The following STON1 variants were observed in gnomAD, a reference collection of about 807,000 sequenced individuals.
STON1 encodes stonin-1.
Under a neutral mutation model 60.9 loss-of-function variants are expected in STON1, and 79 were observed. That is an observed-to-expected ratio of 1.30 (90% confidence interval 1.08 to 1.56). The LOEUF is 1.56. Among genes scored for constraint, STON1 ranks in the 40% most tolerant of loss-of-function variants. The probability of loss-of-function intolerance (pLI) is 0.00; values close to 1 mark genes in which losing one functional copy is unlikely to be tolerated. For missense variants in STON1, 1,166 were observed against 858.9 expected, an observed-to-expected ratio of 1.36 and a Z score of -4.47; for synonymous variants, 363 against 306.9, an observed-to-expected ratio of 1.18 and a Z score of -1.91.
At chr2:48,537,221 C>T (rs1671465337) in intron 1 of STON1, among the ~76,000 whole-genome samples, 1 of 152,166 alleles carries the variant, frequency 6.6e-6, no homozygotes, top group Admixed American at 6.5e-5. Flanking sequence ...CTTAAAGTTT[C>T]TCCATTAAGC....
chr2:48,572,439 A>T (rs929247783), intron 1 of STON1, among the ~76,000 whole-genome samples: 1 of 152,284 alleles, frequency 6.6e-6, no homozygotes, highest in Non-Finnish European at 1.5e-5. Flanking sequence ...GTAGGAGTGC[A>T]CTTTGCATAG....
At chr2:48,536,302 C>T (rs968878144) in intron 1 of STON1, among the ~76,000 whole-genome samples, 3 of 152,058 alleles carry the variant, frequency 2.0e-5, no homozygotes, top group Non-Finnish European at 4.4e-5. Flanking sequence ...AATCCCAGCA[C>T]TTTGGGAGGC....
intron 1 of STON1, among the ~76,000 whole-genome samples, chr2:48,544,334 A>G (rs969858763): frequency 1.1e-4 from 17 of 152,308 alleles, no homozygotes; most frequent in Admixed American, 9.8e-4. Context: ...TAGCTTTTCC[A>G]TTGCAGAGCT....
intron 3 of STON1, among the ~76,000 whole-genome samples, chr2:48,594,292 T>A (rs995030937): frequency 3.3e-5 from 5 of 152,228 alleles, no homozygotes; most frequent in Non-Finnish European, 7.3e-5. Flanking sequence ...AGACTGTGTT[T>A]ATACTTATTT....
chr2:48,533,164 A>G (rs1391887559), intron 1 of STON1, among the ~76,000 whole-genome samples: 1 of 152,056 alleles, frequency 6.6e-6, no homozygotes, highest in Non-Finnish European at 1.5e-5. Flanking sequence ...CAGGCAGATC[A>G]TGAAGTCAGG....
chr2:48,531,682 T>C (rs1185568359), intron 1 of STON1: 3 of 152,154 alleles, frequency 2.0e-5, no homozygotes, highest in Admixed American at 6.6e-5. Context: ...TTCTTCCACA[T>C]GATCTGGGAA....
In STON1 at chr2:48,580,612, A is replaced by G. The variant is rs571971609; in HGVS notation, c.-22A>G. 2.3e-4 allele frequency: 305 copies of G among 1,325,682 alleles called. 1 individual carries two copies. In the South Asian group the frequency reaches 7.2e-3, roughly 31 times the overall value. 82.1% of individuals were successfully genotyped at this position (1,325,682 alleles called of 1,614,324 possible). ...AGTCAACCTATTTGATTTCTTGACA[A>G]GACCACAATCTGATCCCAAAGATGT... On this transcript the variant is annotated 5_prime_UTR_variant, in exon 2 of 4. Coordinates refer to ENST00000404752, the MANE Select transcript of STON1 (RefSeq NM_006873.4).
In STON1 at chr2:48,555,397, C is replaced by T. The variant is rs1355389552; in HGVS notation, c.-48+25181C>T. On this transcript the variant is annotated intron_variant, in intron 1 of 3. Transcript: ENST00000404752. ...CTCCTCACTTCCCAGTAGGGGCGGC[C>T]GGGCAGAGGCGCCCCTCACCTACCG... is the stretch of plus-strand genomic sequence containing the variant. 7.2e-5 allele frequency among the ~76,000 whole-genome samples: 4 copies of T among 55,276 alleles called. 1 individual carries two copies. The highest frequency in any genetic ancestry group is 1.5e-3 in the East Asian group (2 of 1,354). 36.3% of individuals were successfully genotyped at this position (55,276 alleles called of 152,430 possible).
intron 2 of STON1, among the ~76,000 whole-genome samples, chr2:48,584,493 C>G (rs953070191): frequency 2.0e-5 from 3 of 152,082 alleles, no homozygotes; most frequent in Non-Finnish European, 4.4e-5. Flanking sequence ...GTCTTGAACT[C>G]CTGACCTCAA....
intron 3 of STON1, among the ~76,000 whole-genome samples, chr2:48,594,363 C>A (rs1173881432): frequency 6.6e-6 from 1 of 152,150 alleles, no homozygotes; most frequent in Non-Finnish European, 1.5e-5. Context: ...AATTACTTTA[C>A]AAAGTATCTC....
chr2:48,533,487 G>C (rs1671297386), intron 1 of STON1, among the ~76,000 whole-genome samples: 1 of 150,938 alleles, frequency 6.6e-6, no homozygotes, highest in Admixed American at 6.6e-5. Context: ...TCAGAAGTTC[G>C]ATACCAGCCT....
At chr2:48,550,653 C>G (rs1672065150) in intron 1 of STON1, among the ~76,000 whole-genome samples, 2 of 150,996 alleles carry the variant, frequency 1.3e-5, no homozygotes, top group African/African-American at 2.4e-5. Context: ...ATATTATTCT[C>G]TATTTTATGA....
chr2:48,595,347 A>G lies in STON1; in HGVS notation c.*45A>G, dbSNP rs1674738978. The G allele has an allele frequency of 6.5e-7, 1 of 1,541,012 alleles. No homozygotes were observed. The highest frequency in any genetic ancestry group is 9.0e-7 in the Non-Finnish European group (1 of 1,115,748). Reference sequence around the variant, plus strand: ...TGACAGCCCACTTGTCAAATATGTAATTCACCGAAACCACACCAAGTCCTG... The same window carrying G: ...TGACAGCCCACTTGTCAAATATGTAGTTCACCGAAACCACACCAAGTCCTG... On this transcript the variant is annotated 3_prime_UTR_variant, in exon 4 of 4. Transcript: ENST00000404752.
intron 2 of STON1, among the ~76,000 whole-genome samples, chr2:48,583,584 G>A (rs1313793877): frequency 6.7e-6 from 1 of 150,154 alleles, no homozygotes; most frequent in Non-Finnish European, 1.5e-5. Context: ...TTTAAAATTA[G>A]AGCTCTTTCC....
intron 1 of STON1, among the ~76,000 whole-genome samples, chr2:48,541,571 C>T (rs544843522): frequency 6.1e-5 from 9 of 148,068 alleles, no homozygotes; most frequent in East Asian, 2.0e-4. Flanking sequence ...TGGTGGTGCA[C>T]GCCTGTAGTC....
intron 1 of STON1, among the ~76,000 whole-genome samples, chr2:48,574,141 C>T (rs968601165): frequency 2.6e-5 from 4 of 151,792 alleles, no homozygotes; most frequent in African/African-American, 4.8e-5. Flanking sequence ...TATGGGAGGC[C>T]GAGGCAGGTG....
At chr2:48,557,079 C>T (rs1672399945) in intron 1 of STON1, among the ~76,000 whole-genome samples, 1 of 108,990 alleles carries the variant, frequency 9.2e-6, no homozygotes, top group South Asian at 3.9e-4. Flanking sequence ...GGCTGACCCC[C>T]CCCCACCTCC....
At chr2:48,548,094 C>G (rs1671935283) in intron 1 of STON1, among the ~76,000 whole-genome samples, 1 of 152,224 alleles carries the variant, frequency 6.6e-6, no homozygotes, top group African/African-American at 2.4e-5. Context: ...CTTTGAATGT[C>G]CCCCTTAAAG....
chr2:48,541,422 A>G (rs1164552806), intron 1 of STON1, among the ~76,000 whole-genome samples: 6 of 144,400 alleles, frequency 4.2e-5, no homozygotes, highest in African/African-American at 1.3e-4. Context: ...AGTGGCTCAC[A>G]CCTGTAATCC....
Sources: allele counts gnomAD v4.1 joint callset (sites outside exome capture counted in the v4.1 genomes callset), GRCh38; gene constraint gnomAD v4.1.1; transcripts MANE v1.5; gene names NCBI Gene and HGNC (gene_info 2026-07-23, HGNC 2026-07-21).